FMN2: variants seen among roughly 807,000 people sequenced by gnomAD.
The protein encoded by FMN2 is formin 2, also known as formin-2.
A neutral mutation model predicts 142.3 loss-of-function variants in FMN2; 51 were observed. The observed-to-expected ratio is 0.36, with a 90% CI of 0.29 to 0.45. FMN2 has a LOEUF of 0.45. Ranked by LOEUF, FMN2 falls within the 20% of genes least tolerant of loss-of-function variation. The pLI, the probability that FMN2 is intolerant of heterozygous loss-of-function variation, is 1.00. For missense variants in FMN2, 1,936 were observed against 2,122.8 expected (o/e 0.91, Z 1.73); for synonymous variants, 882 against 869.8 (o/e 1.01, Z -0.25).
intron 4 of FMN2, among the ~76,000 whole-genome samples, chr1:240,194,410 C>T (rs138439184): frequency 8.5e-5 from 13 of 152,108 alleles, no homozygotes; most frequent in Admixed American, 2.6e-4. Context: ...GCAACTATTG[C>T]GCTAGGGAAG....
chr1:240,425,620 G>C (rs1447771123), intron 15 of FMN2, among the ~76,000 whole-genome samples: 1 of 152,194 alleles, frequency 6.6e-6, no homozygotes, highest in Non-Finnish European at 1.5e-5. Flanking sequence ...TTTCTGAACA[G>C]GATCATGAAA....
At chr1:240,451,451 T>A (rs10926268) in intron 16 of FMN2, among the ~76,000 whole-genome samples, 14,680 of 152,000 alleles carry the variant, frequency 0.097, 1,219 homozygotes, top group African/African-American at 0.22. Context: ...AGAACCAGCG[T>A]CATTAGGTCA....
intron 1 of FMN2, among the ~76,000 whole-genome samples, chr1:240,106,682 A>ATTT (rs528420629): frequency 4.0e-5 from 6 of 150,156 alleles, no homozygotes; most frequent in African/African-American, 1.5e-4. Flanking sequence ...TTCCAGGAGG[A>ATTT]TTTTTTTTTC....
chr1:240,120,282 T>C (rs1558304846), intron 1 of FMN2, among the ~76,000 whole-genome samples: 3 of 152,372 alleles, frequency 2.0e-5, no homozygotes, highest in East Asian at 1.9e-4. Flanking sequence ...GGCCTGGTTT[T>C]GCAAAGCCTG....
At chr1:240,271,117 T>TTTTTTG (rs1668997774) in intron 7 of FMN2, among the ~76,000 whole-genome samples, 1 of 147,220 alleles carries the variant, frequency 6.8e-6, no homozygotes, top group African/African-American at 2.5e-5. Flanking sequence ...TTTTTTTTTT[T>TTTTTTG]GTGACTCTGT....
At chr1:240,215,856 G>A (rs530443447) in intron 6 of FMN2, among the ~76,000 whole-genome samples, 9 of 151,884 alleles carry the variant, frequency 5.9e-5, no homozygotes, top group Non-Finnish European at 1.3e-4. Flanking sequence ...TTACAGGTGC[G>A]GGCCACCGTG....
At chr1:240,286,956 A>G (rs889756162) in intron 7 of FMN2, among the ~76,000 whole-genome samples, 1 of 152,106 alleles carries the variant, frequency 6.6e-6, no homozygotes, top group African/African-American at 2.4e-5. Context: ...GTGTCTTTCT[A>G]CTTCACTATA....
chr1:240,309,235 G>A (rs1670517794), intron 8 of FMN2, among the ~76,000 whole-genome samples: 1 of 152,268 alleles, frequency 6.6e-6, no homozygotes, highest in East Asian at 1.9e-4. Context: ...TCTAAGACTG[G>A]GGTGCAGATT....
At chr1:240,434,921 C>T (rs1395652281) in intron 15 of FMN2, among the ~76,000 whole-genome samples, 5 of 151,760 alleles carry the variant, frequency 3.3e-5, no homozygotes, top group African/African-American at 9.7e-5. Flanking sequence ...AGACAGCACT[C>T]GTGATCCTCA....
At chr1:240,116,631 A>G (rs777366112) in intron 1 of FMN2, among the ~76,000 whole-genome samples, 30 of 152,098 alleles carry the variant, frequency 2.0e-4, no homozygotes, top group Non-Finnish European at 4.3e-4. Flanking sequence ...TGGCTCACCC[A>G]TGTAGTCCCA....
chr1:240,105,655 T>G (rs1661580304), intron 1 of FMN2, among the ~76,000 whole-genome samples: 1 of 152,232 alleles, frequency 6.6e-6, no homozygotes, highest in Admixed American at 6.5e-5. Flanking sequence ...TATTTCCTGA[T>G]GCTTCATATA....
intron 4 of FMN2, among the ~76,000 whole-genome samples, chr1:240,199,197 A>AT (rs1666040252): frequency 1.3e-5 from 2 of 152,240 alleles, no homozygotes; most frequent in African/African-American, 2.4e-5. Context: ...GTCTAGAGGT[A>AT]TCCTAACCTG....
At chr1:240,181,607 A>C (rs1465340486) in intron 3 of FMN2, among the ~76,000 whole-genome samples, 2 of 152,170 alleles carry the variant, frequency 1.3e-5, no homozygotes, top group Non-Finnish European at 2.9e-5. Flanking sequence ...CTCCCTCTGC[A>C]GTTGGCATTG....
At chr1:240,409,552 T>G (rs1572277902) in intron 15 of FMN2, among the ~76,000 whole-genome samples, 1 of 152,182 alleles carries the variant, frequency 6.6e-6, no homozygotes, top group Non-Finnish European at 1.5e-5. Context: ...CTGTAGAAAA[T>G]GTGAAATTAT....
intron 16 of FMN2, among the ~76,000 whole-genome samples, chr1:240,451,116 C>A (rs913434956): frequency 6.6e-6 from 1 of 152,076 alleles, no homozygotes; most frequent in African/African-American, 2.4e-5. Flanking sequence ...GCCTGTAATC[C>A]TAGTGCTTTG....
In FMN2 at chr1:240,105,184, C is replaced by A. The variant is rs528006992; in HGVS notation, c.1615+11460C>A. 4.5e-5 allele frequency among the ~76,000 whole-genome samples: 6 copies of A among 134,514 alleles called. 1 individual carries two copies. The South Asian group carries it at 1.6e-3, about 35-fold the overall frequency. The allele number at this position is 134,514 out of a possible 152,430, so 88.2% of individuals were successfully genotyped here. On this transcript the variant is annotated intron_variant, in intron 1 of 17. Coordinates refer to ENST00000319653, the MANE Select transcript of FMN2 (RefSeq NM_020066.5). ...AGTGCCGTGGCGTGATCTCGGCTGACTACAGCCTCAACCTCCTGGGTTCAA... is the reference window on the plus strand; with the variant it reads ...AGTGCCGTGGCGTGATCTCGGCTGAATACAGCCTCAACCTCCTGGGTTCAA...
At chr1:240,320,632 G>A (rs1244236315) in intron 8 of FMN2, among the ~76,000 whole-genome samples, 3 of 152,138 alleles carry the variant, frequency 2.0e-5, no homozygotes, top group Non-Finnish European at 4.4e-5. Context: ...AATTTAGGAC[G>A]ACAGTGAATT....
At chr1:240,143,651 C>A (rs1272106655) in intron 2 of FMN2, 4 of 1,609,984 alleles carry the variant, frequency 2.5e-6, no homozygotes, top group Non-Finnish European at 3.4e-6. Flanking sequence ...TCCAGTGCAG[C>A]CAGGATTGCC....
intron 2 of FMN2, among the ~76,000 whole-genome samples, chr1:240,129,398 A>T (rs1048317193): frequency 6.6e-6 from 1 of 151,912 alleles, no homozygotes; most frequent in African/African-American, 2.4e-5. Flanking sequence ...TTAAGATGAT[A>T]CTTAATTTTT....
Sources: allele counts gnomAD v4.1 joint callset (sites outside exome capture counted in the v4.1 genomes callset), GRCh38; gene constraint gnomAD v4.1.1; transcripts MANE v1.5; gene names NCBI Gene and HGNC (gene_info 2026-07-23, HGNC 2026-07-21).